The following AK5 variants were observed in gnomAD, a reference collection of about 807,000 sequenced individuals.
AK5 encodes adenylate kinase isoenzyme 5.
A neutral mutation model predicts 69.5 loss-of-function variants in AK5; 27 were observed. The ratio of observed to expected loss-of-function variants is 0.39; its 90% CI spans 0.29 to 0.54. The LOEUF is 0.54. Ranked by LOEUF, AK5 falls within the 20% of genes least tolerant of loss-of-function variation. The pLI is 0.71. For synonymous variants in AK5, 260 were observed against 244.4 expected (o/e 1.06, Z -0.60); for missense variants, 531 against 700.4 (o/e 0.76, Z 2.73).
chr1:77,367,675 T>TATATA (rs1646997403), intron 6 of AK5, among the ~76,000 whole-genome samples: 16 of 29,292 alleles, frequency 5.5e-4, no homozygotes, highest in Non-Finnish European at 8.2e-4. Context: ...TTATATATAA[T>TATATA]ATATATGTTA....
intron 2 of AK5, among the ~76,000 whole-genome samples, chr1:77,290,334 T>C (rs940907725): frequency 2.0e-5 from 3 of 152,248 alleles, no homozygotes; most frequent in African/African-American, 7.2e-5. Context: ...AATTGCTAAC[T>C]GCCCAGTATC....
intron 13 of AK5, among the ~76,000 whole-genome samples, chr1:77,553,658 T>C (rs1002787561): frequency 2.0e-5 from 3 of 152,220 alleles, no homozygotes; most frequent in Non-Finnish European, 4.4e-5. Flanking sequence ...TCATGGAACT[T>C]CTTGGGGACC....
At chr1:77,341,138 A>C (rs889779158) in intron 6 of AK5, among the ~76,000 whole-genome samples, 5 of 152,144 alleles carry the variant, frequency 3.3e-5, no homozygotes, top group Admixed American at 1.3e-4. Context: ...GTTTTCCTAA[A>C]TTTTTAGTTT....
rs1056323489 is a variant in AK5, at chr1:77,282,299, A to T, written c.-15A>T. 6.5e-7 allele frequency: 1 copy of T among 1,547,418 alleles called. No homozygotes were observed. Among genetic ancestry groups the T allele is most frequent in the Non-Finnish European group, 8.7e-7 (1 of 1,145,946 alleles). ...AGCCTCCCCGCTTGCGCCCCAAGGC[A>T]CGCGCGGCACAGCCATGAACACCAA... On this transcript the variant is annotated 5_prime_UTR_variant, in exon 1 of 14. Transcript: ENST00000354567.
chr1:77,403,471 G>T (rs1649388086), intron 6 of AK5, among the ~76,000 whole-genome samples: 2 of 152,048 alleles, frequency 1.3e-5, no homozygotes, highest in Admixed American at 1.3e-4. Flanking sequence ...ATTAATTTTT[G>T]TATAAGGTGT....
In AK5 at chr1:77,555,638, A is replaced by G. The variant is rs147101647; in HGVS notation, c.1621-2964A>G. Among the ~76,000 whole-genome samples, 406 of 152,362 alleles carry G rather than the reference A, an allele frequency of 2.7e-3. 3 individuals carry two copies. The highest frequency in any genetic ancestry group is 3.4e-3 in the Non-Finnish European group (230 of 68,036). On this transcript the variant is annotated intron_variant, in intron 13 of 13. Transcript: ENST00000354567. ...ATAGGATTACTTTGGTTATTTAAAA[A>G]GCATTCCTGTGCCATTACTAGTAAT...
chr1:77,324,309 C>CACT (rs35393140), intron 5 of AK5, among the ~76,000 whole-genome samples: 1 of 6,076 alleles, frequency 1.6e-4, no homozygotes, highest in Non-Finnish European at 3.8e-4. Flanking sequence ...AAAAAAAGTT[C>CACT]ACCATTTGCG....
chr1:77,475,502 A>AC (rs1654878133), intron 8 of AK5, among the ~76,000 whole-genome samples: 1 of 47,586 alleles, frequency 2.1e-5, no homozygotes, highest in African/African-American at 6.6e-5. Flanking sequence ...ACAAATATAT[A>AC]TTATATATAT....
chr1:77,477,984 C>T (rs1025682536), intron 8 of AK5, among the ~76,000 whole-genome samples: 1 of 152,110 alleles, frequency 6.6e-6, no homozygotes, highest in Non-Finnish European at 1.5e-5. Flanking sequence ...TAAGGAAGGA[C>T]GGTGGGCATA....
chr1:77,506,579 A>C (rs1380871965), intron 10 of AK5, among the ~76,000 whole-genome samples: 1 of 152,138 alleles, frequency 6.6e-6, no homozygotes, highest in African/African-American at 2.4e-5. Context: ...ATTTGGTTTC[A>C]GAGTCTTGAT....
intron 8 of AK5, among the ~76,000 whole-genome samples, chr1:77,444,424 A>G (rs1240888140): frequency 3.0e-5 from 1 of 32,912 alleles, no homozygotes; most frequent in Non-Finnish European, 5.9e-5. Flanking sequence ...TAGTATATAC[A>G]TAGTATAAAT....
chr1:77,448,983 G>C (rs922633547), intron 8 of AK5, among the ~76,000 whole-genome samples: 3 of 152,250 alleles, frequency 2.0e-5, no homozygotes, highest in Non-Finnish European at 4.4e-5. Flanking sequence ...ATGCCTGGAT[G>C]TCCAGGGAGA....
intron 10 of AK5, among the ~76,000 whole-genome samples, chr1:77,501,782 T>C (rs1217512295): frequency 6.6e-6 from 1 of 152,176 alleles, no homozygotes; most frequent in African/African-American, 2.4e-5. Flanking sequence ...CAAACAAAAT[T>C]AGAGCCCTTG....
At chr1:77,346,604 C>A (rs1414924712) in intron 6 of AK5, among the ~76,000 whole-genome samples, 1 of 152,140 alleles carries the variant, frequency 6.6e-6, no homozygotes, top group Non-Finnish European at 1.5e-5. Context: ...TCAAGCCATC[C>A]TCCCACCTTT....
intron 6 of AK5, among the ~76,000 whole-genome samples, chr1:77,391,513 A>G (rs12144818): frequency 1.1e-4 from 8 of 75,618 alleles, no homozygotes; most frequent in Middle Eastern, 8.1e-3. Flanking sequence ...ATATATATAT[A>G]TATATATATA....
In AK5 at chr1:77,559,321, TTCTC is replaced by T. The variant is rs1257179905; in HGVS notation, c.*653_*656del. On this transcript the variant is annotated 3_prime_UTR_variant, in exon 14 of 14. Coordinates refer to ENST00000354567, the MANE Select transcript of AK5 (RefSeq NM_174858.3). ...AAACCCAGGTTAGTCATCAGTAACC[TTCTC>T]TATTATTATTATTTTTTAGAAACTT... 1 of 151,814 alleles carries T rather than the reference TTCTC, an allele frequency of 6.6e-6. No individual in the cohort carries two copies. Among genetic ancestry groups the T allele is most frequent in the Non-Finnish European group, 1.5e-5 (1 of 67,988 alleles). 9.4% of individuals were successfully genotyped at this position (151,814 alleles called of 1,614,324 possible). A position where few individuals can be genotyped will look rare whatever the true frequency, so the allele number is the denominator to read the frequency against.
At chr1:77,414,017 G>A (rs1650228392) in intron 7 of AK5, among the ~76,000 whole-genome samples, 1 of 152,196 alleles carries the variant, frequency 6.6e-6, no homozygotes, top group Admixed American at 6.5e-5. Context: ...ATTCGAGCTG[G>A]CCTCTCAGTG....
intron 8 of AK5, among the ~76,000 whole-genome samples, chr1:77,460,849 A>G (rs550094887): frequency 1.5e-4 from 22 of 149,188 alleles, no homozygotes; most frequent in African/African-American, 4.7e-4. Flanking sequence ...TCAGCCTCCC[A>G]AGTAGCTAGG....
intron 5 of AK5, among the ~76,000 whole-genome samples, chr1:77,325,664 A>G (rs937735535): frequency 2.0e-5 from 3 of 151,588 alleles, no homozygotes; most frequent in African/African-American, 4.9e-5. Context: ...CTTCCATACA[A>G]TTCCACTGTA....
Sources: allele counts gnomAD v4.1 joint callset (sites outside exome capture counted in the v4.1 genomes callset), GRCh38; gene constraint gnomAD v4.1.1; transcripts MANE v1.5; gene names NCBI Gene and HGNC (gene_info 2026-07-23, HGNC 2026-07-21).